The following INPP5D variants were observed in gnomAD, a reference collection of about 807,000 sequenced individuals.
INPP5D encodes the protein inositol polyphosphate-5-phosphatase D, also known as phosphatidylinositol 3,4,5-trisphosphate 5-phosphatase 1.
INPP5D carries 33 observed loss-of-function variants against 122.9 expected under a neutral mutation model. The ratio of observed to expected loss-of-function variants is 0.27; its 90% CI spans 0.20 to 0.36. The LOEUF (loss-of-function observed/expected upper bound fraction) is 0.36, where lower values mean the gene tolerates loss of function less well. INPP5D is among the 10% of genes least tolerant of loss of function. The pLI is 1.00. For missense variants in INPP5D, 1,053 were observed against 1,412.7 expected (o/e 0.75, Z 4.08); for synonymous variants, 584 against 576.2 (o/e 1.01, Z -0.19).
rs183406845 is a variant in INPP5D at position 233,126,582 on chromosome 2, T to A, written c.524+663T>A. On this transcript the variant is annotated intron_variant, in intron 4 of 26. Transcript: ENST00000445964. ...CCGAATATCCAGTGTTGCTACTATG[T>A]TGATTGTCTCTATATATGTGTCTAA... Among the ~76,000 whole-genome samples, 4 of 152,340 alleles carry A rather than the reference T, an allele frequency of 2.6e-5. No homozygotes were observed. In the East Asian group the frequency reaches 7.7e-4, roughly 29 times the overall value.
At chr2:233,127,183 C>T (rs1693186757) in intron 4 of INPP5D, among the ~76,000 whole-genome samples, 1 of 152,218 alleles carries the variant, frequency 6.6e-6, no homozygotes, top group Non-Finnish European at 1.5e-5. Flanking sequence ...GGCAGCTTTC[C>T]AGGAGGGGTT....
At chr2:233,070,915 TTTTG>T (rs777643371) in intron 1 of INPP5D, among the ~76,000 whole-genome samples, 30 of 152,302 alleles carry the variant, frequency 2.0e-4, no homozygotes, top group African/African-American at 6.7e-4. Context: ...TTACTTTTGT[TTTTG>T]TTTGTTTGTT....
At position 233,177,393 on chromosome 2, in the gene INPP5D, C is replaced by T; in HGVS notation, c.2071+47C>T. The T allele has an allele frequency of 1.2e-6, 2 of 1,612,782 alleles. No homozygotes were observed. Among genetic ancestry groups the T allele is most frequent in the African/African-American group, 2.7e-5 (2 of 74,920 alleles). On this transcript the variant is annotated intron_variant, in intron 18 of 26. Coordinates refer to ENST00000445964, the MANE Select transcript of INPP5D (RefSeq NM_001017915.3). This position sits in a 1 kb window ranked among gnomAD's most constrained non-coding sequence, Gnocchi z 4.2. ...AGCAGAACAGGATCAGAGAATGGCA[C>T]CAAGCTGGGAGGTGTGACTGCCCTA...
chr2:233,123,448 G>A (rs1275492410), intron 3 of INPP5D, among the ~76,000 whole-genome samples: 6 of 117,662 alleles, frequency 5.1e-5, no homozygotes, highest in South Asian at 2.7e-4. Context: ...GGGAGACTCC[G>A]TCTCAAAAAA....
Position 233,201,007 on chromosome 2 carries a change from A to AATAG in INPP5D, c.2975+2634_2975+2637dup, listed in dbSNP as rs769031685. Among the ~76,000 whole-genome samples the AATAG allele has an allele frequency of 7.3e-5, 11 of 149,796 alleles. 1 individual carries two copies. Among genetic ancestry groups the AATAG allele is most frequent in the Non-Finnish European group, 1.5e-4 (10 of 67,558 alleles). Reference sequence around the variant, plus strand: ...AAATAAATAAATAAATAAATAAATAAATAGATGAGAGGAAGTCAGGAAGAG... The same window carrying AATAG: ...AAATAAATAAATAAATAAATAAATAAATAGATAGATGAGAGGAAGTCAGGAAGAG... On this transcript the variant is annotated intron_variant, in intron 25 of 26. Transcript: ENST00000445964.
chr2:233,115,279 C>T (rs1044299346), intron 2 of INPP5D, among the ~76,000 whole-genome samples: 1 of 152,184 alleles, frequency 6.6e-6, no homozygotes, highest in Non-Finnish European at 1.5e-5. Context: ...TTCCTAGCAC[C>T]CCGGGGCTCC....
intron 5 of INPP5D, among the ~76,000 whole-genome samples, chr2:233,132,347 A>C (rs10200271): frequency 0.039 from 5,919 of 152,126 alleles, 139 homozygotes; most frequent in African/African-American, 0.055. Context: ...TAACACCTCA[A>C]CACTACCTGG....
At chr2:233,135,878 ACT>A (rs374345089) in intron 5 of INPP5D, among the ~76,000 whole-genome samples, 8 of 152,354 alleles carry the variant, frequency 5.3e-5, no homozygotes, top group African/African-American at 1.9e-4. Flanking sequence ...CCTGCAGCTT[ACT>A]GAGCAGCAAA....
chr2:233,074,613 T>A (rs1691467424), intron 1 of INPP5D, among the ~76,000 whole-genome samples: 1 of 151,648 alleles, frequency 6.6e-6, no homozygotes, highest in African/African-American at 2.4e-5. Context: ...TGCAAATAGT[T>A]TTTTTTGTGT....
chr2:233,157,669 A>AC (rs201353072), intron 9 of INPP5D, among the ~76,000 whole-genome samples: 150,651 of 152,230 alleles, frequency 0.99, 74,564 homozygotes, highest in Non-Finnish European at 1. Context: ...AGAAATTTCA[A>AC]CCTCATCTTC....
At chr2:233,081,375 T>C (rs1299481626) in intron 2 of INPP5D, among the ~76,000 whole-genome samples, 1 of 152,222 alleles carries the variant, frequency 6.6e-6, no homozygotes, top group Non-Finnish European at 1.5e-5. Flanking sequence ...TCTCTTAAGT[T>C]AAAAGTTGGT....
At chr2:233,171,608 T>A (rs1694495587) in intron 17 of INPP5D, among the ~76,000 whole-genome samples, 1 of 152,210 alleles carries the variant, frequency 6.6e-6, no homozygotes, top group Non-Finnish European at 1.5e-5. Flanking sequence ...CACCAATTAA[T>A]GTCTTATGAG....
intron 5 of INPP5D, 37 bp from the exon 6 acceptor site, chr2:233,139,805 A>G: frequency 2.5e-6 from 1 of 398,482 alleles, no homozygotes; most frequent in Non-Finnish European, 4.4e-6. Flanking sequence ...TCCGGTGCCC[A>G]CTAATCCTTG....
intron 2 of INPP5D, among the ~76,000 whole-genome samples, chr2:233,087,447 C>T (rs1691882874): frequency 6.6e-6 from 1 of 152,166 alleles, no homozygotes; most frequent in African/African-American, 2.4e-5. Context: ...CTGCCTCAGC[C>T]TCCCGAGTAG....
intron 2 of INPP5D, among the ~76,000 whole-genome samples, chr2:233,102,140 C>T (rs74461644): frequency 0.043 from 6,588 of 152,252 alleles, 181 homozygotes; most frequent in East Asian, 0.16. Flanking sequence ...CTCTAGATCG[C>T]ACAACCAGTT....
rs1040723185 is a variant in INPP5D at position 233,128,547 on chromosome 2, G to C, written c.525-1961G>C. 3.9e-5 allele frequency among the ~76,000 whole-genome samples: 6 copies of C among 152,180 alleles called. No individual in the cohort carries two copies. The highest frequency in any genetic ancestry group is 3.9e-4 in the Admixed American group (6 of 15,284). ...AGCTGGAACACAGTGGCGCGATCTC[G>C]GCTCACTGCAACCTCTACCTCCTGG... On this transcript the variant is annotated intron_variant, in intron 4 of 26. Coordinates refer to ENST00000445964, the MANE Select transcript of INPP5D (RefSeq NM_001017915.3). The surrounding 1 kb of genome is among the most constrained non-coding windows in gnomAD (Gnocchi z 4.5).
At chr2:233,201,398 A>G (rs547606909) in intron 25 of INPP5D, among the ~76,000 whole-genome samples, 40 of 152,336 alleles carry the variant, frequency 2.6e-4, no homozygotes, top group Non-Finnish European at 5.6e-4. Context: ...CCACAGCCCC[A>G]TGGTGACAGC....
intron 4 of INPP5D, among the ~76,000 whole-genome samples, chr2:233,126,444 G>A (rs1693160912): frequency 6.6e-6 from 1 of 152,160 alleles, no homozygotes; most frequent in African/African-American, 2.4e-5. Context: ...GGGTTGCTAT[G>A]ATACTTGGCG....
At chr2:233,132,564 T>C (rs988467592) in intron 5 of INPP5D, among the ~76,000 whole-genome samples, 1 of 152,258 alleles carries the variant, frequency 6.6e-6, no homozygotes. Flanking sequence ...CAGCCAGGCT[T>C]GGAGACTTGA....
Sources: gnomAD v4.1 joint callset for allele counts (sites outside exome capture counted in the v4.1 genomes callset) on GRCh38, gnomAD v4.1.1 for gene constraint, Gnocchi (gnomAD v3.1) non-coding constraint, MANE v1.5 for transcripts, NCBI Gene and HGNC (gene_info 2026-07-23, HGNC 2026-07-21) for gene names.